Variants in UBXN2A observed in about 807,000 individuals in gnomAD.
The protein encoded by UBXN2A is UBX domain-containing protein 2A.
UBXN2A carries 28 observed loss-of-function variants against 28.4 expected under a neutral mutation model. The observed-to-expected ratio is 0.99, with a 90% CI of 0.73 to 1.35. The LOEUF (loss-of-function observed/expected upper bound fraction) is 1.35. Among genes scored for constraint, UBXN2A ranks in the 40% most tolerant of loss-of-function variants. The pLI, the probability that UBXN2A is intolerant of heterozygous loss-of-function variation, is 0.00. For missense variants in UBXN2A, 253 were observed against 297.9 expected (o/e 0.85, Z 1.11); for synonymous variants, 97 against 103.6 (o/e 0.94, Z 0.39).
chr2:23,940,320 G>C (rs150241367), upstream of UBXN2A: 1,639 of 151,954 alleles, frequency 0.011, 17 homozygotes, highest in Middle Eastern at 0.037. Context: ...GCTAGCCGCC[G>C]GGCCAGTGGT....
intron 1 of UBXN2A, among the ~76,000 whole-genome samples, chr2:23,948,491 G>C (rs940111030): frequency 6.6e-6 from 1 of 151,942 alleles, no homozygotes; most frequent in Non-Finnish European, 1.5e-5. Flanking sequence ...GATCTCAGGC[G>C]ATCTGCCCAC....
chr2:23,967,515 C>A (rs1371821726), intron 2 of UBXN2A, among the ~76,000 whole-genome samples: 1 of 152,170 alleles, frequency 6.6e-6, no homozygotes, highest in African/African-American at 2.4e-5. Flanking sequence ...TATATATTTT[C>A]ATTTAATCTT....
Position 23,972,779 on chromosome 2 carries a change from G to A in UBXN2A, c.180+1365G>A, listed in dbSNP as rs528351248. Reference sequence around the variant, plus strand: ...GGAGGTTGCAGTGAGTTGAGATTGCGCCACTGCACTCCAGCCTGGGCGACA... The same window carrying A: ...GGAGGTTGCAGTGAGTTGAGATTGCACCACTGCACTCCAGCCTGGGCGACA... On this transcript the variant is annotated intron_variant, in intron 3 of 6. Transcript: ENST00000309033. Among the ~76,000 whole-genome samples, 57 of 151,884 alleles carry A rather than the reference G, an allele frequency of 3.8e-4. 1 individual carries two copies. In the South Asian group the frequency reaches 8.3e-3, roughly 22 times the overall value.
At chr2:23,960,901 C>G (rs1706873575) in intron 2 of UBXN2A, among the ~76,000 whole-genome samples, 1 of 152,130 alleles carries the variant, frequency 6.6e-6, no homozygotes, top group Non-Finnish European at 1.5e-5. Flanking sequence ...TCCCAGAGTT[C>G]TGGGATTACA....
At chr2:23,928,532 G>A (rs1254184890) in intron 1 of UBXN2A, among the ~76,000 whole-genome samples, 1 of 149,066 alleles carries the variant, frequency 6.7e-6, no homozygotes, top group Non-Finnish European at 1.5e-5. Context: ...AGCCAAGATC[G>A]TGCCACTGCA....
chr2:23,969,256 G>C (rs1707307986), intron 2 of UBXN2A, among the ~76,000 whole-genome samples: 1 of 152,066 alleles, frequency 6.6e-6, no homozygotes, highest in South Asian at 2.1e-4. Context: ...ACTACTATAG[G>C]CTGGATACAG....
intron 1 of UBXN2A, among the ~76,000 whole-genome samples, chr2:23,941,019 A>G (rs1226808628): frequency 6.6e-6 from 1 of 151,092 alleles, no homozygotes. Flanking sequence ...CAGTCCAGTG[A>G]TACAAAGTAT....
At chr2:23,964,429 C>G (rs1004154174) in intron 2 of UBXN2A, among the ~76,000 whole-genome samples, 2 of 152,154 alleles carry the variant, frequency 1.3e-5, no homozygotes, top group African/African-American at 4.8e-5. Flanking sequence ...AGGCTGGTCT[C>G]AAACTCCTGA....
chr2:23,981,036 T>A (rs1707873323), intron 4 of UBXN2A, among the ~76,000 whole-genome samples: 1 of 152,184 alleles, frequency 6.6e-6, no homozygotes, highest in Admixed American at 6.6e-5. Flanking sequence ...ATATTTTCTC[T>A]CATTCTTTGA....
intron 1 of UBXN2A, among the ~76,000 whole-genome samples, chr2:23,934,482 T>C (rs528363419): frequency 1.3e-5 from 2 of 152,266 alleles, no homozygotes; most frequent in African/African-American, 4.8e-5. Context: ...ACTTGGTTTC[T>C]GTCCTGAACT....
upstream of UBXN2A, among the ~76,000 whole-genome samples, chr2:23,938,414 C>T (rs895322674): frequency 5.9e-5 from 9 of 151,808 alleles, no homozygotes; most frequent in African/African-American, 1.7e-4. Context: ...TATAGTGAGC[C>T]GAGATCATGC....
intron 1 of UBXN2A, among the ~76,000 whole-genome samples, chr2:23,928,956 A>G (rs765989633): frequency 5.3e-5 from 8 of 152,176 alleles, no homozygotes; most frequent in Non-Finnish European, 7.3e-5. Context: ...TAGCTATCAC[A>G]TCACTGAGCA....
At chr2:23,995,928 T>C (rs1708513701) in intron 6 of UBXN2A, among the ~76,000 whole-genome samples, 1 of 152,148 alleles carries the variant, frequency 6.6e-6, no homozygotes, top group Non-Finnish European at 1.5e-5. Context: ...TGAATTCTTG[T>C]TCTGTCACCC....
chr2:23,967,730 A>G (rs1707234569), intron 2 of UBXN2A, among the ~76,000 whole-genome samples: 2 of 152,206 alleles, frequency 1.3e-5, no homozygotes, highest in African/African-American at 4.8e-5. Flanking sequence ...CACTAGTGTT[A>G]TAAGAAACCA....
At chr2:23,948,322 C>A (rs574207521) in intron 1 of UBXN2A, among the ~76,000 whole-genome samples, 2 of 145,706 alleles carry the variant, frequency 1.4e-5, no homozygotes, top group Non-Finnish European at 3.0e-5. Context: ...GGCGTGATCT[C>A]GGCTCACTGC....
At chr2:23,936,547 A>G (rs116218806), upstream of UBXN2A, among the ~76,000 whole-genome samples, 3,442 of 149,178 alleles carry the variant, frequency 0.023, 135 homozygotes, top group African/African-American at 0.079. Flanking sequence ...TCCTACCTCA[A>G]AAAAAAAAAG....
At chr2:23,965,022 C>T (rs941316089) in intron 2 of UBXN2A, among the ~76,000 whole-genome samples, 1 of 152,078 alleles carries the variant, frequency 6.6e-6, no homozygotes, top group Admixed American at 6.6e-5. Context: ...GAACTATAGG[C>T]ATGTGCCACC....
intron 1 of UBXN2A, among the ~76,000 whole-genome samples, chr2:23,952,156 G>T (rs1435327447): frequency 1.3e-5 from 2 of 151,656 alleles, no homozygotes; most frequent in Admixed American, 1.3e-4. Context: ...TAGTAGAGAT[G>T]GGGTTTGACC....
Position 23,981,227 on chromosome 2 carries a change from C to T in UBXN2A, c.288-1669C>T, listed in dbSNP as rs893073794. On this transcript the variant is annotated intron_variant, in intron 4 of 6. Transcript: ENST00000309033. The stretch of plus-strand genomic sequence containing the variant: ...TTAATGCCTGTAATCTCAACACCTT[C>T]GGAGGCCAAGGCAGGAGGATCATTT... Among the ~76,000 whole-genome samples the T allele has an allele frequency of 4.7e-5, 7 of 147,592 alleles. No individual in the cohort carries two copies. In the East Asian group the frequency reaches 9.9e-4, roughly 21 times the overall value.
Sources: allele counts gnomAD v4.1 joint callset (sites outside exome capture counted in the v4.1 genomes callset), GRCh38; gene constraint gnomAD v4.1.1; transcripts MANE v1.5; gene names NCBI Gene and HGNC (gene_info 2026-07-23, HGNC 2026-07-21).